Variants in ASCC3 observed in about 807,000 individuals in gnomAD.
ASCC3 encodes ASC-1 complex subunit P200.
Under a neutral mutation model 256.3 loss-of-function variants are expected in ASCC3, and 158 were observed. The observed-to-expected ratio is 0.62, with a 90% CI of 0.54 to 0.70. The LOEUF (loss-of-function observed/expected upper bound fraction) is 0.70, where lower values mean the gene tolerates loss of function less well. Ranked by LOEUF, ASCC3 falls within the 30% of genes least tolerant of loss-of-function variation. The pLI, the probability that ASCC3 is intolerant of heterozygous loss-of-function variation, is 0.00. For missense variants in ASCC3, 2,259 were observed against 2,626.0 expected (o/e 0.86, Z 3.05); for synonymous variants, 948 against 883.4 (o/e 1.07, Z -1.30).
Position 100,646,626 on chromosome 6 carries a change from A to G in ASCC3, c.3622T>C (p.Trp1208Arg), listed in dbSNP as rs1266726690. The change falls in exon 22 of 42, where the codon TGG (tryptophan) becomes CGG (arginine). Residue 1208 changes from tryptophan (W) to arginine (R), a missense_variant. Trp to Arg is a moderately radical substitution (Grantham distance 101, BLOSUM62 -3). This residue lies in a region of ASCC3 where 1,839 missense variants were observed against 2,206.7 expected (regional missense o/e 0.83). Coordinates refer to ENST00000369162, the MANE Select transcript of ASCC3 (RefSeq NM_006828.4). ...TTTTCCACTTCTACCTGATCATTCC[A>G]AGTGAAATCAGCATAGATGCTGAGT... is the stretch of plus-strand genomic sequence containing the variant. ...VTLSIYADFT[W>R]NDQVHGTVGE... is the part of the protein sequence containing the mutation. 1 of 1,613,976 alleles carries G rather than the reference A, an allele frequency of 6.2e-7. No individual in the cohort carries two copies. The highest frequency in any genetic ancestry group is 8.5e-7 in the Non-Finnish European group (1 of 1,179,998).
chr6:100,512,002 G>C (rs1035392923), intron 40 of ASCC3, among the ~76,000 whole-genome samples: 2 of 152,086 alleles, frequency 1.3e-5, no homozygotes, highest in Non-Finnish European at 2.9e-5. Flanking sequence ...AATTATTATG[G>C]CACTAAAAAC....
intron 30 of ASCC3, among the ~76,000 whole-genome samples, chr6:100,615,757 A>G (rs1317925384): frequency 1.3e-5 from 2 of 152,204 alleles, no homozygotes; most frequent in African/African-American, 4.8e-5. Context: ...ACTCAAGGAT[A>G]CTGAATAGCT....
Position 100,715,213 on chromosome 6 carries a change from A to G in ASCC3, c.2151+249T>C, listed in dbSNP as rs191131340. The G allele has an allele frequency of 2.1e-4, 75 of 351,332 alleles. 1 individual carries two copies. In the East Asian group the frequency reaches 3.6e-3, roughly 17 times the overall value. The allele number at this position is 351,332 out of a possible 1,614,324, so 21.8% of individuals were successfully genotyped here. ...ATTGCTTCATGAAAACAGTAAGAAT[A>G]TAATATTTAAAATTAAAAATGGCAA... is the stretch of plus-strand genomic sequence containing the variant. On this transcript the variant is annotated intron_variant, in intron 13 of 41. Coordinates refer to ENST00000369162, the MANE Select transcript of ASCC3 (RefSeq NM_006828.4).
rs1194061493 is a variant in ASCC3, at chr6:100,725,589, C to T, written c.1852G>A (p.Glu618Lys). The T allele has an allele frequency of 6.2e-7, 1 of 1,612,844 alleles. No individual in the cohort carries two copies. The highest frequency in any genetic ancestry group is 2.2e-5 in the East Asian group (1 of 44,816). The change falls in exon 11 of 42, where the codon GAA becomes AAA. Residue 618 changes from glutamate to lysine, a missense_variant. This residue lies in a region of ASCC3 where 1,839 missense variants were observed against 2,206.7 expected (regional missense o/e 0.83). Transcript: ENST00000369162. ...CTTTCTAATACTGGTCCTCTATCTT[C>T]ATGCAGCAAATGAACTTCATCAAGA... is the stretch of plus-strand genomic sequence containing the variant. ...LILDEVHLLHEDRGPVLESIV... is the reference protein window; with the variant it reads ...LILDEVHLLHKDRGPVLESIV...
chr6:100,739,363 TG>T (rs1435884425), intron 10 of ASCC3, among the ~76,000 whole-genome samples: 1 of 152,222 alleles, frequency 6.6e-6, no homozygotes, highest in Non-Finnish European at 1.5e-5. Context: ...TGAGGATTTT[TG>T]CACCGAAGCT....
At chr6:100,532,736 A>C (rs947509921) in intron 37 of ASCC3, among the ~76,000 whole-genome samples, 1 of 152,104 alleles carries the variant, frequency 6.6e-6, no homozygotes, top group East Asian at 1.9e-4. Flanking sequence ...TTTCATTTAC[A>C]TGATTTTGAA....
intron 4 of ASCC3, among the ~76,000 whole-genome samples, chr6:100,809,509 A>T (rs1475200375): frequency 6.6e-6 from 1 of 152,084 alleles, no homozygotes; most frequent in African/African-American, 2.4e-5. Context: ...ACTGTTGTAT[A>T]TAGTCCGTCA....
chr6:100,806,737 T>C lies in ASCC3; in HGVS notation c.802-857A>G, dbSNP rs116917290. 7.2e-3 allele frequency among the ~76,000 whole-genome samples: 1,089 copies of C among 152,074 alleles called. 8 individuals are homozygous for C. The highest frequency in any genetic ancestry group is 0.024 in the Admixed American group (366 of 15,244). ...GACATTAAAAGTTTAATAAATATTTTCTTTTTGCTGTTCATTTTACTGAAG... is the reference window on the plus strand; with the variant it reads ...GACATTAAAAGTTTAATAAATATTTCCTTTTTGCTGTTCATTTTACTGAAG... On this transcript the variant is annotated intron_variant, in intron 4 of 41. Coordinates refer to ENST00000369162, the MANE Select transcript of ASCC3 (RefSeq NM_006828.4).
intron 4 of ASCC3, among the ~76,000 whole-genome samples, chr6:100,821,041 GT>G (rs1456755836): frequency 6.6e-6 from 1 of 152,144 alleles, no homozygotes; most frequent in East Asian, 1.9e-4. Flanking sequence ...GTTTTGTTTT[GT>G]TTTTTAAGTT....
intron 13 of ASCC3, among the ~76,000 whole-genome samples, chr6:100,712,751 CTTTTTTTTT>C (rs58286754): frequency 1.9e-4 from 13 of 69,738 alleles, no homozygotes; most frequent in African/African-American, 5.4e-4. Context: ...CAATTATACT[CTTTTTTTTT>C]TTTTTTTTTT....
chr6:100,840,315 T>C, intron 4 of ASCC3, among the ~76,000 whole-genome samples: 1 of 152,100 alleles, frequency 6.6e-6, no homozygotes, highest in East Asian at 1.9e-4. Context: ...CCTGAGTAAA[T>C]ATTTAGCATA....
At chr6:100,631,512 C>A (rs1185564914) in intron 25 of ASCC3, among the ~76,000 whole-genome samples, 1 of 151,616 alleles carries the variant, frequency 6.6e-6, no homozygotes, top group Non-Finnish European at 1.5e-5. Flanking sequence ...AGGCATTTTA[C>A]TATGAAATTA....
At chr6:100,530,825 C>T (rs569763929) in intron 37 of ASCC3, 40 of 1,229,016 alleles carry the variant, frequency 3.3e-5, no homozygotes, top group Middle Eastern at 2.3e-4. Context: ...CCTACTGGAA[C>T]TTAGTGCTTA....
At chr6:100,553,125 G>A (rs1769390723) in intron 36 of ASCC3, among the ~76,000 whole-genome samples, 2 of 151,952 alleles carry the variant, frequency 1.3e-5, no homozygotes, top group Admixed American at 6.6e-5. Flanking sequence ...ATTTTATGCT[G>A]GGTGTTTCAG....
At chr6:100,548,603 G>A (rs950305097) in intron 36 of ASCC3, among the ~76,000 whole-genome samples, 2 of 151,950 alleles carry the variant, frequency 1.3e-5, no homozygotes, top group South Asian at 2.1e-4. Flanking sequence ...ATATATAAAC[G>A]CAAATTTGAT....
chr6:100,516,038 G>A, intron 39 of ASCC3, 142 bp downstream of exon 39: 1 of 1,022,234 alleles, frequency 9.8e-7, no homozygotes, highest in Non-Finnish European at 1.5e-6. Flanking sequence ...ATGTTTTCAT[G>A]TTCATAATCA....
chr6:100,876,351 A>G (rs909203066), intron 1 of ASCC3, among the ~76,000 whole-genome samples: 3 of 152,204 alleles, frequency 2.0e-5, no homozygotes, highest in Non-Finnish European at 4.4e-5. Flanking sequence ...TACCACCCAC[A>G]ATAATAGAAG....
chr6:100,698,944 A>G (rs1184394596), intron 13 of ASCC3, among the ~76,000 whole-genome samples: 1 of 152,172 alleles, frequency 6.6e-6, no homozygotes, highest in Non-Finnish European at 1.5e-5. Flanking sequence ...ACACTGTCTG[A>G]GCACCAACTA....
chr6:100,820,659 C>T (rs1246957725), intron 4 of ASCC3, among the ~76,000 whole-genome samples: 1 of 151,744 alleles, frequency 6.6e-6, no homozygotes, highest in East Asian at 1.9e-4. Flanking sequence ...AATAAACAAA[C>T]TATTTGTGCT....
Sources: allele counts gnomAD v4.1 joint callset (sites outside exome capture counted in the v4.1 genomes callset), GRCh38; gene constraint gnomAD v4.1.1; regional missense constraint gnomAD v4.1.1; transcripts MANE v1.5; gene names NCBI Gene and HGNC (gene_info 2026-07-23, HGNC 2026-07-21).